Variants in NR5A2 observed in about 807,000 individuals in gnomAD.
The protein encoded by NR5A2 is nuclear receptor subfamily 5 group A member 2.
A neutral mutation model predicts 62.7 loss-of-function variants in NR5A2; 26 were observed. The ratio of observed to expected loss-of-function variants is 0.41; its 90% CI spans 0.30 to 0.58. NR5A2 has a LOEUF of 0.58. Ranked by LOEUF, NR5A2 falls within the 20% of genes least tolerant of loss-of-function variation. The pLI is 0.22. For missense variants in NR5A2, 541 were observed against 669.1 expected (o/e 0.81, Z 2.11); for synonymous variants, 246 against 241.7 (o/e 1.02, Z -0.16).
chr1:200,114,332 GAAAAAAAAGA>G (rs376206460), intron 6 of NR5A2, among the ~76,000 whole-genome samples: 3,741 of 150,494 alleles, frequency 0.025, 170 homozygotes, highest in African/African-American at 0.087. Context: ...GAAGGAGGCA[GAAAAAAAAGA>G]AAAAAAGAAC....
intron 7 of NR5A2, among the ~76,000 whole-genome samples, chr1:200,128,998 T>C (rs1489959591): frequency 2.0e-5 from 3 of 152,248 alleles, no homozygotes; most frequent in Non-Finnish European, 4.4e-5. Flanking sequence ...TAAAGAAATA[T>C]CTAATGCTTC....
chr1:200,074,710 C>T (rs2102223069), intron 5 of NR5A2, among the ~76,000 whole-genome samples: 1 of 110,864 alleles, frequency 9.0e-6, no homozygotes, highest in East Asian at 3.8e-4. Flanking sequence ...GCACTCCAGT[C>T]TGGGCGACAG....
chr1:200,125,264 G>A (rs2102317389), intron 7 of NR5A2, among the ~76,000 whole-genome samples: 1 of 152,358 alleles, frequency 6.6e-6, no homozygotes, highest in South Asian at 2.1e-4. Flanking sequence ...TTAAGTAATA[G>A]TAGTTAAGAC....
At chr1:200,153,664 C>T (rs537469670) in intron 7 of NR5A2, among the ~76,000 whole-genome samples, 2 of 151,904 alleles carry the variant, frequency 1.3e-5, no homozygotes, top group Admixed American at 6.6e-5. Flanking sequence ...TTTTTTAAAA[C>T]AGGTATAGTG....
chr1:200,044,980 T>TA (rs3838446), intron 3 of NR5A2, among the ~76,000 whole-genome samples: 17,719 of 142,914 alleles, frequency 0.12, 1,044 homozygotes, highest in Non-Finnish European at 0.14. Flanking sequence ...TGACATTTGT[T>TA]AAAAAAAAAA....
chr1:200,060,743 A>G (rs1663164319), intron 5 of NR5A2, among the ~76,000 whole-genome samples: 1 of 152,112 alleles, frequency 6.6e-6, no homozygotes. Flanking sequence ...TTGACCTACC[A>G]GGACAAATTC....
chr1:200,038,700 G>A (rs1038317698), intron 1 of NR5A2: 1 of 1,366,032 alleles, frequency 7.3e-7, no homozygotes, highest in African/African-American at 1.5e-5. Flanking sequence ...CTTCCCCTCA[G>A]ATCGAGGAAA....
chr1:200,054,884 T>C (rs1010091231), intron 5 of NR5A2, among the ~76,000 whole-genome samples: 1 of 152,110 alleles, frequency 6.6e-6, no homozygotes, highest in Non-Finnish European at 1.5e-5. Flanking sequence ...TATTCTTTAG[T>C]AAATTTACTT....
intron 5 of NR5A2, chr1:200,053,916 C>G (rs1261267953): frequency 6.6e-6 from 1 of 152,240 alleles, no homozygotes; most frequent in African/African-American, 2.4e-5. Flanking sequence ...CCAGGTGAAT[C>G]TGGTTCAGTG....
intron 7 of NR5A2, among the ~76,000 whole-genome samples, chr1:200,123,119 C>T (rs1666550084): frequency 1.3e-5 from 2 of 152,156 alleles, no homozygotes; most frequent in African/African-American, 4.8e-5. Flanking sequence ...AGCCTCGAGT[C>T]CCCTGAGTCT....
rs368303245 is a variant in NR5A2, at chr1:200,039,037, C to T, written c.65-621C>T. ...CCCCCTGTCCTTCCCAGCACCGTCA[C>T]CCTCGGGGCTGGGAAGGGCCGTTCT... On this transcript the variant is annotated intron_variant, in intron 1 of 7. Transcript: ENST00000367362. The surrounding 1 kb of genome is among the most constrained non-coding windows in gnomAD (Gnocchi z 5.1). Among the ~76,000 whole-genome samples the T allele has an allele frequency of 1.3e-5, 2 of 152,118 alleles. No homozygotes were observed. Among genetic ancestry groups the T allele is most frequent in the African/African-American group, 4.8e-5 (2 of 41,522 alleles).
intron 5 of NR5A2, among the ~76,000 whole-genome samples, chr1:200,052,505 CT>C (rs1558107187): frequency 6.6e-6 from 1 of 152,042 alleles, no homozygotes; most frequent in Non-Finnish European, 1.5e-5. Flanking sequence ...AATATCTGTC[CT>C]TTTCCTTGGT....
chr1:200,038,913 C>A, intron 1 of NR5A2: 1 of 435,144 alleles, frequency 2.3e-6, no homozygotes, highest in South Asian at 2.1e-5. Context: ...AGTGTCCGAC[C>A]TGAGTCCGGA....
At chr1:200,157,919 C>G (rs964045797) in intron 7 of NR5A2, among the ~76,000 whole-genome samples, 4 of 152,140 alleles carry the variant, frequency 2.6e-5, no homozygotes, top group African/African-American at 7.2e-5. Context: ...ACAAGTATAT[C>G]TAGCTCTTAA....
At chr1:200,076,246 A>G (rs1664032285) in intron 5 of NR5A2, among the ~76,000 whole-genome samples, 1 of 152,210 alleles carries the variant, frequency 6.6e-6, no homozygotes, top group African/African-American at 2.4e-5. Flanking sequence ...ACCTCAACGT[A>G]CCAGTGATTT....
At chr1:200,142,282 C>A (rs898996268) in intron 7 of NR5A2, among the ~76,000 whole-genome samples, 7 of 145,310 alleles carry the variant, frequency 4.8e-5, no homozygotes, top group African/African-American at 1.8e-4. Flanking sequence ...TCACTGCGAC[C>A]TCTGCCTCCC....
In NR5A2 at chr1:200,076,626, T is replaced by C. The variant is rs577246671; in HGVS notation, c.1110+27808T>C. 1.2e-4 allele frequency among the ~76,000 whole-genome samples: 18 copies of C among 152,332 alleles called. No individual in the cohort carries two copies. The South Asian group carries it at 3.7e-3, about 32-fold the overall frequency. On this transcript the variant is annotated intron_variant, in intron 5 of 7. Coordinates refer to ENST00000367362, the MANE Select transcript of NR5A2 (RefSeq NM_205860.3). Reference sequence around the variant, plus strand: ...TAGGTAGCTTACTGAGAATAGTAAATACCTTACTTGATTTGAGAATTCAAA... The same window carrying C: ...TAGGTAGCTTACTGAGAATAGTAAACACCTTACTTGATTTGAGAATTCAAA...
intron 5 of NR5A2, among the ~76,000 whole-genome samples, chr1:200,059,395 A>G (rs1428540305): frequency 1.3e-5 from 2 of 152,084 alleles, no homozygotes; most frequent in African/African-American, 4.8e-5. Context: ...GGTAGAAGCA[A>G]TTTTGTCAGC....
In NR5A2 at chr1:200,174,103, C is replaced by T. The variant is rs1200954942; in HGVS notation, c.1519C>T (p.Arg507Trp). The change falls in exon 8 of 8, where the codon CGG (arginine) becomes TGG (tryptophan). Residue 507 changes from arginine (R) to tryptophan (W), a missense_variant. Physicochemically the swap from Arg to Trp is moderately radical, Grantham distance 101 (BLOSUM62 -3). Coordinates refer to ENST00000367362, the MANE Select transcript of NR5A2 (RefSeq NM_205860.3). ...GCTACTTCTTCGACTACCCGAAATC[C>T]GGGCCATCAGTATGCAGGCTGAAGA... ...GQLLLRLPEI[R>W]AISMQAEEYL... 3.7e-6 allele frequency: 6 copies of T among 1,613,656 alleles called. No homozygotes were observed. Among genetic ancestry groups the T allele is most frequent in the Middle Eastern group, 1.6e-4 (1 of 6,084 alleles).
Sources: gnomAD v4.1 joint callset for allele counts (sites outside exome capture counted in the v4.1 genomes callset) on GRCh38, gnomAD v4.1.1 for gene constraint, Gnocchi (gnomAD v3.1) non-coding constraint, MANE v1.5 for transcripts, NCBI Gene and HGNC (gene_info 2026-07-23, HGNC 2026-07-21) for gene names.